The following CABLES2 variants were observed in gnomAD, a reference collection of about 807,000 sequenced individuals.
The protein encoded by CABLES2 is Cdk5 and Abl enzyme substrate 2.
Under a neutral mutation model 44.8 loss-of-function variants are expected in CABLES2, and 35 were observed. That is an observed-to-expected ratio of 0.78 (90% CI 0.60 to 1.04). The LOEUF (loss-of-function observed/expected upper bound fraction) is 1.04. CABLES2 is among the 50% of genes least tolerant of loss of function. CABLES2 has a pLI of 0.00. For synonymous variants in CABLES2, 282 were observed against 281.1 expected, an observed-to-expected ratio of 1.00 and a Z score of -0.03; for missense variants, 566 against 615.7, an observed-to-expected ratio of 0.92 and a Z score of 0.85.
intron 1 of CABLES2, among the ~76,000 whole-genome samples, chr20:62,399,885 T>G (rs1463607401): frequency 6.6e-6 from 1 of 152,160 alleles, no homozygotes; most frequent in Non-Finnish European, 1.5e-5. Flanking sequence ...TGAGCCACCA[T>G]ATTGTATAAC....
chr20:62,402,061 C>T (rs1988198865), intron 1 of CABLES2, among the ~76,000 whole-genome samples: 1 of 152,182 alleles, frequency 6.6e-6, no homozygotes, highest in Non-Finnish European at 1.5e-5. Context: ...CTCGTGGTTC[C>T]CCCCACGTGG....
intron 1 of CABLES2, among the ~76,000 whole-genome samples, chr20:62,399,903 G>A (rs531979945): frequency 6.6e-6 from 1 of 152,282 alleles, no homozygotes; most frequent in South Asian, 2.1e-4. Flanking sequence ...AACGAAGTGT[G>A]AAATAGCTCC....
Position 62,390,620 on chromosome 20 carries a change from C to G in CABLES2, c.*351G>C, listed in dbSNP as rs868674373. The G allele has an allele frequency of 6.8e-5, 19 of 277,956 alleles. No homozygotes were observed. Among genetic ancestry groups the G allele is most frequent in the African/African-American group, 3.8e-4 (18 of 46,794 alleles). 17.2% of individuals were successfully genotyped at this position (277,956 alleles called of 1,614,324 possible). On this transcript the variant is annotated 3_prime_UTR_variant, in exon 10 of 10. Transcript: ENST00000279101. ...TTGCAGAAGGCGAGGCCAGGGGAGACACACTGCAGCCGGCTCGCTGCTGCA... is the reference window on the plus strand; with the variant it reads ...TTGCAGAAGGCGAGGCCAGGGGAGAGACACTGCAGCCGGCTCGCTGCTGCA...
At chr20:62,398,032 CAGTGATGGTGAT>C (rs1988073584) in intron 1 of CABLES2, among the ~76,000 whole-genome samples, 1 of 78,754 alleles carries the variant, frequency 1.3e-5, no homozygotes, top group Non-Finnish European at 2.7e-5. Flanking sequence ...GTGGTGGTGA[CAGTGATGGTGAT>C]GGTGGTGATG....
At chr20:62,400,765 G>A (rs1361929849) in intron 1 of CABLES2, among the ~76,000 whole-genome samples, 1 of 152,160 alleles carries the variant, frequency 6.6e-6, no homozygotes, top group Non-Finnish European at 1.5e-5. Context: ...CTGCAGCAGG[G>A]AGGCTGACGC....
chr20:62,406,813 G>A (rs8124102), intron 1 of CABLES2, 102 bp downstream of exon 1: 4 of 627,586 alleles, frequency 6.4e-6, no homozygotes, highest in African/African-American at 4.0e-5. Context: ...CTGGGCTGAT[G>A]AGGCCCCAAG....
chr20:62,402,152 A>T (rs868822042), intron 1 of CABLES2: 1 of 152,202 alleles, frequency 6.6e-6, no homozygotes, highest in Non-Finnish European at 1.5e-5. Flanking sequence ...CTGCCCCCCC[A>T]GTCTGCTGAC....
chr20:62,398,240 ATGATGG>A (rs1355901044), intron 1 of CABLES2, among the ~76,000 whole-genome samples: 3 of 61,878 alleles, frequency 4.8e-5, no homozygotes, highest in East Asian at 4.9e-4. Flanking sequence ...GACGGTGGTG[ATGATGG>A]TGATGGTGGT....
At position 62,393,505 on chromosome 20, in the gene CABLES2, C is replaced by G. The variant is rs143243918; in HGVS notation, c.815G>C (p.Arg272Pro). Residue 272 changes from arginine to proline, a missense_variant, in exon 6 of 10, where the codon CGG becomes CCG. Arg to Pro is a moderately radical substitution (Grantham distance 103, BLOSUM62 -2). Transcript: ENST00000279101. Reference sequence around the variant, plus strand: ...TTTATGTCTTGACCCTGGCAGAGTCCGGGGGACACTGGGCCGAGGTGTGGG... The same window carrying G: ...TTTATGTCTTGACCCTGGCAGAGTCGGGGGGACACTGGGCCGAGGTGTGGG... ...LLPTPRPSVP[R>P]TLPGSRHKPA... The G allele has an allele frequency of 1.9e-6, 3 of 1,613,324 alleles. No homozygotes were observed. The highest frequency in any genetic ancestry group is 2.5e-6 in the Non-Finnish European group (3 of 1,179,690).
At chr20:62,405,369 A>T (rs1988262031) in intron 1 of CABLES2, 1 of 152,352 alleles carries the variant, frequency 6.6e-6, no homozygotes, top group African/African-American at 2.4e-5. Context: ...TGCCAAATGC[A>T]TGGGGCCTGG....
In CABLES2 at chr20:62,394,945, C is replaced by G. The variant is rs1342688201; in HGVS notation, c.597G>C (p.Leu199=). The G allele has an allele frequency of 1.2e-6, 2 of 1,612,820 alleles. No homozygotes were observed. The highest frequency in any genetic ancestry group is 1.7e-6 in the Non-Finnish European group (2 of 1,179,866). Reference sequence around the variant, plus strand: ...AAGCGCTGAGTACTCACCTGATCCGCAGGCCTTCCCCATAGGGCAGGACCG... The same window carrying G: ...AAGCGCTGAGTACTCACCTGATCCGGAGGCCTTCCCCATAGGGCAGGACCG... The part of the protein sequence containing the change: ...AFSVLPYGEG[L]RISDLRVDSQ... The change falls in exon 4 of 10, where the codon CTG becomes CTC. Residue 199 remains leucine, a synonymous_variant. Coordinates refer to ENST00000279101, the MANE Select transcript of CABLES2 (RefSeq NM_031215.3).
Position 62,392,919 on chromosome 20 carries a change from C to T in CABLES2, c.984+1G>A. Reference sequence around the variant, plus strand: ...CCCAGGCCCTGGGAGAGGGCACTCACCATGTACGACGCAAAGATGAGGACA... The same window carrying T: ...CCCAGGCCCTGGGAGAGGGCACTCATCATGTACGACGCAAAGATGAGGACA... On this transcript the variant is annotated splice_donor_variant, in intron 7 of 9. Coordinates refer to ENST00000279101, the MANE Select transcript of CABLES2 (RefSeq NM_031215.3). LOFTEE classifies it high-confidence loss of function. The T allele has an allele frequency of 6.2e-7, 1 of 1,613,212 alleles. No individual in the cohort carries two copies. Among genetic ancestry groups the T allele is most frequent in the Non-Finnish European group, 8.5e-7 (1 of 1,179,382 alleles).
rs1226188601 is a variant in CABLES2 at position 62,388,760 on chromosome 20, G to T, written c.*2211C>A. The T allele has an allele frequency of 4.1e-6, 2 of 490,130 alleles. No individual in the cohort carries two copies. Among genetic ancestry groups the T allele is most frequent in the East Asian group, 3.8e-5 (1 of 26,142 alleles). 30.4% of individuals were successfully genotyped at this position (490,130 alleles called of 1,614,324 possible). A position where few individuals can be genotyped will look rare whatever the true frequency, so the allele number is the denominator to read the frequency against. On this transcript the variant is annotated 3_prime_UTR_variant, in exon 10 of 10. Coordinates refer to ENST00000279101, the MANE Select transcript of CABLES2 (RefSeq NM_031215.3). ...ACACTGACATCCACAACTGCTACCG[G>T]TGCGGAAGCAACGCCAGGCCTGGTT...
At chr20:62,398,941 A>G (rs549250501) in intron 1 of CABLES2, among the ~76,000 whole-genome samples, 6 of 152,304 alleles carry the variant, frequency 3.9e-5, no homozygotes, top group African/African-American at 1.4e-4. Context: ...GCCAACATTG[A>G]TGCTGTCATT....
At position 62,390,762 on chromosome 20, in the gene CABLES2, CG is replaced by C; in HGVS notation, c.*208del. 1.7e-6 allele frequency: 1 copy of C among 585,764 alleles called. No homozygotes were observed. Among genetic ancestry groups the C allele is most frequent in the South Asian group, 2.2e-5 (1 of 45,992 alleles). 36.3% of individuals were successfully genotyped at this position (585,764 alleles called of 1,614,324 possible). A position where few individuals can be genotyped will look rare whatever the true frequency, so the allele number is the denominator to read the frequency against. ...GCAGGAGAATTCTCAGAAATCCCCT[CG>C]GAGGGACGGTGCACTTGGGGATGAA... is the stretch of plus-strand genomic sequence containing the variant. On this transcript the variant is annotated 3_prime_UTR_variant, in exon 10 of 10. Coordinates refer to ENST00000279101, the MANE Select transcript of CABLES2 (RefSeq NM_031215.3).
At chr20:62,405,080 G>C (rs1988256140) in intron 1 of CABLES2, 1 of 152,372 alleles carries the variant, frequency 6.6e-6, no homozygotes, top group African/African-American at 2.4e-5. Context: ...TGCACACAGG[G>C]GTGCATGAAC....
intron 1 of CABLES2, among the ~76,000 whole-genome samples, chr20:62,397,220 C>T (rs768106011): frequency 1.3e-5 from 2 of 152,288 alleles, no homozygotes; most frequent in South Asian, 2.1e-4. Flanking sequence ...ATAGGTGGCC[C>T]GCTGAGGGAG....
Position 62,396,500 on chromosome 20 carries a change from G to T in CABLES2, c.434+21C>A. Reference sequence around the variant, plus strand: ...CAGCCCGAGCGGAGTCGTAGAGCTCGGGGCGGACGGGGGCGTGTACCTCTG... The same window carrying T: ...CAGCCCGAGCGGAGTCGTAGAGCTCTGGGCGGACGGGGGCGTGTACCTCTG... On this transcript the variant is annotated intron_variant, in intron 2 of 9. Coordinates refer to ENST00000279101, the MANE Select transcript of CABLES2 (RefSeq NM_031215.3). The surrounding 1 kb of genome is among the most constrained non-coding windows in gnomAD (Gnocchi z 5.7). 6.2e-7 allele frequency: 1 copy of T among 1,613,672 alleles called. No homozygotes were observed. The highest frequency in any genetic ancestry group is 8.5e-7 in the Non-Finnish European group (1 of 1,179,842).
chr20:62,398,139 ATGGTGGTGG>A (rs1161706888), intron 1 of CABLES2, among the ~76,000 whole-genome samples: 3 of 45,506 alleles, frequency 6.6e-5, no homozygotes, highest in African/African-American at 1.7e-4. Flanking sequence ...GACGGTGGTG[ATGGTGGTGG>A]TGGTGGTGAC....
Sources: allele counts gnomAD v4.1 joint callset (sites outside exome capture counted in the v4.1 genomes callset), GRCh38; gene constraint gnomAD v4.1.1; non-coding constraint Gnocchi (gnomAD v3.1); transcripts MANE v1.5; gene names NCBI Gene and HGNC (gene_info 2026-07-23, HGNC 2026-07-21).